Variants in KDELR2 observed in about 807,000 individuals in gnomAD.
KDELR2 encodes the protein ER lumen protein-retaining receptor 2.
In KDELR2, 15 loss-of-function variants were observed where a neutral mutation model predicts 23.9. The observed-to-expected ratio is 0.63, with a 90% CI of 0.42 to 0.97. The LOEUF (loss-of-function observed/expected upper bound fraction) is 0.97. Among genes scored for constraint, KDELR2 ranks in the 50% least tolerant of loss-of-function variants. The pLI is 0.00. For synonymous variants in KDELR2, 119 were observed against 106.2 expected (o/e 1.12, Z -0.74); for missense variants, 272 against 254.6 (o/e 1.07, Z -0.46).
intron 2 of KDELR2, among the ~76,000 whole-genome samples, chr7:6,473,062 C>A (rs1785684636): frequency 6.7e-6 from 1 of 148,270 alleles, no homozygotes; most frequent in South Asian, 2.1e-4. Context: ...AGTATGCCAC[C>A]ATGCCTGGCT....
chr7:6,473,740 T>C (rs1785701184), intron 2 of KDELR2, among the ~76,000 whole-genome samples: 1 of 152,180 alleles, frequency 6.6e-6, no homozygotes, highest in Non-Finnish European at 1.5e-5. Flanking sequence ...GATAGAAGCC[T>C]ATAGACAGTT....
chr7:6,474,755 C>T lies in KDELR2; in HGVS notation c.92-471G>A, dbSNP rs750022334. On this transcript the variant is annotated intron_variant, in intron 1 of 4. Transcript: ENST00000258739. ...TCAAGCTCACTGTAGCCTTGACCTCCTGGGCTTCAGCAATCTTCCCACCTC... is the reference window on the plus strand; with the variant it reads ...TCAAGCTCACTGTAGCCTTGACCTCTTGGGCTTCAGCAATCTTCCCACCTC... Among the ~76,000 whole-genome samples, 3 of 152,192 alleles carry T rather than the reference C, an allele frequency of 2.0e-5. 1 individual carries two copies. In the South Asian group the frequency reaches 6.2e-4, roughly 31 times the overall value.
At chr7:6,469,859 C>T (rs1383260028) in intron 2 of KDELR2, 105 bp from the exon 3 acceptor site, 1 of 992,688 alleles carries the variant, frequency 1.0e-6, no homozygotes, top group Non-Finnish European at 1.4e-6. Context: ...GATTTTTTTC[C>T]TTAGCTTTGT....
intron 2 of KDELR2, among the ~76,000 whole-genome samples, chr7:6,472,977 G>A (rs928758233): frequency 2.7e-5 from 4 of 148,268 alleles, no homozygotes; most frequent in Non-Finnish European, 5.9e-5. Context: ...GTGCAATTAC[G>A]GCTCACTGCA....
chr7:6,481,097 G>A (rs1191873407), intron 1 of KDELR2, among the ~76,000 whole-genome samples: 1 of 152,122 alleles, frequency 6.6e-6, no homozygotes. Context: ...ACGGCCAGGC[G>A]CAGTGGCTTA....
chr7:6,482,530 G>T (rs1233433113), intron 1 of KDELR2: 10 of 469,808 alleles, frequency 2.1e-5, no homozygotes, highest in South Asian at 1.6e-4. Context: ...CTGTTCAAAG[G>T]TCTTTTTGGT....
chr7:6,464,560 T>C (rs1461436799), intron 4 of KDELR2, among the ~76,000 whole-genome samples: 3 of 151,816 alleles, frequency 2.0e-5, no homozygotes, highest in Non-Finnish European at 4.4e-5. Context: ...GGCATGGTAG[T>C]GCGCGACTGT....
chr7:6,473,354 C>T (rs1785692213), intron 2 of KDELR2, among the ~76,000 whole-genome samples: 1 of 152,112 alleles, frequency 6.6e-6, no homozygotes, highest in South Asian at 2.1e-4. Flanking sequence ...TGCTTATTTT[C>T]TGCCGCATCC....
Position 6,463,065 on chromosome 7 carries a change from C to A in KDELR2, c.*76G>T, listed in dbSNP as rs1475655620. ...TAAGTTTCTGATTTTCCGTATCAAGCATCTTATGCCTTTGCTGTGGTAAGA... is the reference window on the plus strand; with the variant it reads ...TAAGTTTCTGATTTTCCGTATCAAGAATCTTATGCCTTTGCTGTGGTAAGA... On this transcript the variant is annotated 3_prime_UTR_variant, in exon 5 of 5. Coordinates refer to ENST00000258739, the MANE Select transcript of KDELR2 (RefSeq NM_006854.4). The A allele has an allele frequency of 1.9e-6, 3 of 1,614,160 alleles. No individual in the cohort carries two copies. Among genetic ancestry groups the A allele is most frequent in the Non-Finnish European group, 2.5e-6 (3 of 1,180,014 alleles).
At chr7:6,478,326 T>C (rs529811616) in intron 1 of KDELR2, among the ~76,000 whole-genome samples, 328 of 152,142 alleles carry the variant, frequency 2.2e-3, no homozygotes, top group Non-Finnish European at 3.6e-3. Context: ...TTTCATTTTT[T>C]TTGTAGAGAC....
At chr7:6,483,926 C>T in intron 1 of KDELR2, 41 bp downstream of exon 1, 12 of 1,424,760 alleles carry the variant, frequency 8.4e-6, no homozygotes, top group Non-Finnish European at 1.1e-5. Flanking sequence ...GAGACCCGGC[C>T]CCCACGCCCG....
rs925511500 is a variant in KDELR2 at position 6,483,908 on chromosome 7, T to G, written c.91+59A>C. On this transcript the variant is annotated intron_variant, in intron 1 of 4. Coordinates refer to ENST00000258739, the MANE Select transcript of KDELR2 (RefSeq NM_006854.4). Reference sequence around the variant, plus strand: ...CCGTGGGGTGGCCGAGGTCGGCGGGTCCTCGGCGAGACCCGGCCCCCACGC... The same window carrying G: ...CCGTGGGGTGGCCGAGGTCGGCGGGGCCTCGGCGAGACCCGGCCCCCACGC... The G allele has an allele frequency of 6.1e-6, 8 of 1,311,418 alleles. No individual in the cohort carries two copies. In the Middle Eastern group the frequency reaches 1.4e-3, roughly 223 times the overall value. 81.2% of individuals were successfully genotyped at this position (1,311,418 alleles called of 1,614,324 possible). A position where few individuals can be genotyped will look rare whatever the true frequency, so the allele number is the denominator to read the frequency against.
intron 3 of KDELR2, among the ~76,000 whole-genome samples, chr7:6,467,340 G>A (rs1357252016): frequency 6.6e-6 from 1 of 152,120 alleles, no homozygotes; most frequent in Admixed American, 6.5e-5. Context: ...TATTCCTTAA[G>A]CTTTCTGGTG....
rs147990504 is a variant in KDELR2 at position 6,463,753 on chromosome 7, T to TAAA, written c.605-581_605-579dup. Among the ~76,000 whole-genome samples the TAAA allele has an allele frequency of 9.4e-5, 11 of 117,438 alleles. No individual in the cohort carries two copies. The East Asian group carries it at 2.2e-3, about 23-fold the overall frequency. 77.0% of individuals were successfully genotyped at this position (117,438 alleles called of 152,430 possible). Reference sequence around the variant, plus strand: ...GTGAGACCCTGTCTCTTTAAAAAGATAAAAAAAAAAAAAAACACAAAGGAT... The same window carrying TAAA: ...GTGAGACCCTGTCTCTTTAAAAAGATAAAAAAAAAAAAAAAAAACACAAAGGAT... On this transcript the variant is annotated intron_variant, in intron 4 of 4. Transcript: ENST00000258739.
chr7:6,483,065 TA>T (rs1367424408), intron 1 of KDELR2, among the ~76,000 whole-genome samples: 1 of 152,046 alleles, frequency 6.6e-6, no homozygotes, highest in African/African-American at 2.4e-5. Context: ...TAACGAAATG[TA>T]AAAGTCCAAA....
At chr7:6,483,913 G>C (rs1011506868) in intron 1 of KDELR2, 54 bp downstream of exon 1, 56 of 1,355,228 alleles carry the variant, frequency 4.1e-5, no homozygotes, top group Middle Eastern at 2.2e-4. Flanking sequence ...GCGGGTCCTC[G>C]GCGAGACCCG....
chr7:6,464,610 T>C (rs986813147), intron 4 of KDELR2, among the ~76,000 whole-genome samples: 2 of 152,088 alleles, frequency 1.3e-5, no homozygotes, highest in Non-Finnish European at 2.9e-5. Flanking sequence ...CAGACTCGCT[T>C]GAACTTGGGA....
At chr7:6,464,197 C>CAAAAAAAAAA (rs758537707) in intron 4 of KDELR2, among the ~76,000 whole-genome samples, 1 of 38,764 alleles carries the variant, frequency 2.6e-5, no homozygotes, top group Non-Finnish European at 4.0e-5. Context: ...AACTCTGTCT[C>CAAAAAAAAAA]AAAAAAAAAA....
At chr7:6,464,953 C>G (rs2115321961) in intron 4 of KDELR2, among the ~76,000 whole-genome samples, 1 of 152,004 alleles carries the variant, frequency 6.6e-6, no homozygotes, top group African/African-American at 2.4e-5. Flanking sequence ...TCAGGCTAGT[C>G]TTGAACTCCT....
Sources: gnomAD v4.1 joint callset for allele counts (sites outside exome capture counted in the v4.1 genomes callset) on GRCh38, gnomAD v4.1.1 for gene constraint, MANE v1.5 for transcripts, NCBI Gene and HGNC (gene_info 2026-07-23, HGNC 2026-07-21) for gene names.